UBR2: variants seen among roughly 807,000 people sequenced by gnomAD.
UBR2 encodes ubiquitin protein ligase E3 component n-recognin 2.
UBR2 carries 92 observed loss-of-function variants against 247.9 expected under a neutral mutation model. The observed-to-expected ratio is 0.37, with a 90% CI of 0.31 to 0.44. The LOEUF (loss-of-function observed/expected upper bound fraction) is 0.44, where lower values mean the gene tolerates loss of function less well. Among genes scored for constraint, UBR2 ranks in the 20% least tolerant of loss-of-function variants. The pLI is 1.00. For synonymous variants in UBR2, 672 were observed against 693.5 expected (o/e 0.97, Z 0.49); for missense variants, 1,613 against 2,112.6 (o/e 0.76, Z 4.64).
chr6:42,645,411 G>A (rs1016777532), intron 20 of UBR2, 55 bp from the exon 21 acceptor site: 36 of 1,507,300 alleles, frequency 2.4e-5, no homozygotes, highest in Non-Finnish European at 2.7e-5. Context: ...TATATATCAC[G>A]AAAGTATTGT....
chr6:42,584,594 G>A (rs1309416535), intron 2 of UBR2, among the ~76,000 whole-genome samples: 1 of 152,132 alleles, frequency 6.6e-6, no homozygotes, highest in African/African-American at 2.4e-5. Flanking sequence ...TGAATCTATA[G>A]ATTAGTTTGG....
chr6:42,671,584 TGG>T (rs1404729174), intron 36 of UBR2, among the ~76,000 whole-genome samples: 1 of 152,258 alleles, frequency 6.6e-6, no homozygotes, highest in Admixed American at 6.5e-5. Context: ...TCATTTTGCG[TGG>T]GCATTTTTTA....
intron 44 of UBR2, among the ~76,000 whole-genome samples, chr6:42,687,623 C>T (rs1372564389): frequency 6.6e-6 from 1 of 152,080 alleles, no homozygotes; most frequent in African/African-American, 2.4e-5. Flanking sequence ...TCACAGCAAC[C>T]TCCGCCTCCC....
intron 21 of UBR2, among the ~76,000 whole-genome samples, chr6:42,646,401 C>G (rs1234987584): frequency 6.6e-6 from 1 of 152,162 alleles, no homozygotes; most frequent in African/African-American, 2.4e-5. Flanking sequence ...ACAAACCCAT[C>G]ACCAGCTTCA....
chr6:42,657,786 C>A (rs1797525518), intron 26 of UBR2, among the ~76,000 whole-genome samples: 1 of 152,138 alleles, frequency 6.6e-6, no homozygotes, highest in Non-Finnish European at 1.5e-5. Flanking sequence ...TTAAAATAAT[C>A]ATTTGCTATA....
At chr6:42,634,051 C>A (rs955336657) in intron 13 of UBR2, among the ~76,000 whole-genome samples, 1 of 152,104 alleles carries the variant, frequency 6.6e-6, no homozygotes, top group African/African-American at 2.4e-5. Context: ...TCTTTGGTTT[C>A]CACTAATGTT....
At chr6:42,566,146 G>A (rs939499087) in intron 1 of UBR2, among the ~76,000 whole-genome samples, 2 of 151,800 alleles carry the variant, frequency 1.3e-5, no homozygotes, top group African/African-American at 2.4e-5. Flanking sequence ...TACAAATTCC[G>A]TTATCCCATT....
At position 42,615,124 on chromosome 6, in the gene UBR2, G is replaced by A. The variant is rs1794456851; in HGVS notation, c.1039G>A (p.Glu347Lys). 1 of 1,613,746 alleles carries A rather than the reference G, an allele frequency of 6.2e-7. No individual in the cohort carries two copies. Among genetic ancestry groups the A allele is most frequent in the Non-Finnish European group, 8.5e-7 (1 of 1,179,862 alleles). The change falls in exon 9 of 47, where the codon GAA becomes AAA. Residue 347 changes from glutamate (E) to lysine (K), a missense_variant. By Grantham distance (56) the Glu-to-Lys change is moderately conservative. Coordinates refer to ENST00000372901, the MANE Select transcript of UBR2 (RefSeq NM_001363705.2). ...QVGLQEGPDG[E>K]NSSLVDRLML... is the part of the protein sequence containing the mutation. ...TGGTTTACAAGAAGGGCCAGATGGT[G>A]AAAACTCTTCTCTAGTGGACAGACT...
At chr6:42,570,417 G>A (rs1469015341) in intron 1 of UBR2, among the ~76,000 whole-genome samples, 1 of 151,968 alleles carries the variant, frequency 6.6e-6, no homozygotes, top group African/African-American at 2.4e-5. Context: ...ATTTTTAGTA[G>A]AGATGGGGTT....
At chr6:42,648,949 G>C (rs913449284) in intron 22 of UBR2, among the ~76,000 whole-genome samples, 3 of 151,960 alleles carry the variant, frequency 2.0e-5, no homozygotes, top group Admixed American at 6.6e-5. Context: ...GGGGGGGCGG[G>C]TTGTTGGTTT....
At chr6:42,599,561 T>TA (rs35569864) in intron 4 of UBR2, among the ~76,000 whole-genome samples, 1 of 152,240 alleles carries the variant, frequency 6.6e-6, no homozygotes, top group African/African-American at 2.4e-5. Context: ...ATACTGGTTT[T>TA]AAAAAGCATT....
chr6:42,571,410 A>C (rs1379845061), intron 1 of UBR2, among the ~76,000 whole-genome samples: 1 of 152,134 alleles, frequency 6.6e-6, no homozygotes, highest in Non-Finnish European at 1.5e-5. Flanking sequence ...AGTCCGAAGC[A>C]CTTAACTTTC....
intron 9 of UBR2, 27 bp downstream of exon 9, chr6:42,615,205 G>T: frequency 6.4e-7 from 1 of 1,557,614 alleles, no homozygotes; most frequent in Non-Finnish European, 8.8e-7. Flanking sequence ...CTTTTAAGGT[G>T]TAGAGGAACC....
At chr6:42,658,178 A>G (rs1380810959) in intron 27 of UBR2, 45 bp downstream of exon 27, 4 of 1,610,250 alleles carry the variant, frequency 2.5e-6, no homozygotes, top group Non-Finnish European at 3.4e-6. Context: ...AATATTGAAT[A>G]TTTGTTATGT....
intron 2 of UBR2, among the ~76,000 whole-genome samples, chr6:42,578,972 A>AACAC (rs35575176): frequency 7.1e-4 from 106 of 148,934 alleles, no homozygotes; most frequent in African/African-American, 2.2e-3. Context: ...CACACACACA[A>AACAC]ACACACACAC....
In UBR2 at chr6:42,615,989, C is replaced by G; in HGVS notation, c.1094-13C>G. 1 of 1,562,554 alleles carries G rather than the reference C, an allele frequency of 6.4e-7. No individual in the cohort carries two copies. Among genetic ancestry groups the G allele is most frequent in the Non-Finnish European group, 8.6e-7 (1 of 1,157,318 alleles). On this transcript the variant is annotated splice_polypyrimidine_tract_variant and intron_variant, in intron 9 of 46. Transcript: ENST00000372901. ...GCGTGTCCTTATCTTATACCGTGAT[C>G]TTTTTCTACAAGGTGCTAGGAGTGT... is the stretch of plus-strand genomic sequence containing the variant.
At chr6:42,666,386 A>G (rs1485924127) in intron 34 of UBR2, 141 bp downstream of exon 34, 5 of 625,306 alleles carry the variant, frequency 8.0e-6, no homozygotes, top group Middle Eastern at 4.3e-4. Context: ...GTTTAAGCAG[A>G]GGCTGAGACA....
intron 34 of UBR2, among the ~76,000 whole-genome samples, chr6:42,668,014 C>T (rs941999927): frequency 1.3e-5 from 2 of 152,122 alleles, no homozygotes; most frequent in African/African-American, 4.8e-5. Context: ...CCGCCTCAGC[C>T]TCCCAAAGTG....
At chr6:42,580,626 G>A (rs1182562782) in intron 2 of UBR2, among the ~76,000 whole-genome samples, 6 of 151,180 alleles carry the variant, frequency 4.0e-5, no homozygotes, top group South Asian at 2.1e-4. Flanking sequence ...TGCAGCCTCC[G>A]CCTCCTGGGT....
Sources: allele counts gnomAD v4.1 joint callset (sites outside exome capture counted in the v4.1 genomes callset), GRCh38; gene constraint gnomAD v4.1.1; transcripts MANE v1.5; gene names NCBI Gene and HGNC (gene_info 2026-07-23, HGNC 2026-07-21).